The following FSTL4 variants were observed in gnomAD, a reference collection of about 807,000 sequenced individuals.
The protein encoded by FSTL4 is follistatin like 4.
In FSTL4, 28 loss-of-function variants were observed where a neutral mutation model predicts 78.2. The ratio of observed to expected loss-of-function variants is 0.36; its 90% CI spans 0.27 to 0.49. FSTL4 has a LOEUF of 0.49. Among genes scored for constraint, FSTL4 ranks in the 20% least tolerant of loss-of-function variants. The pLI, the probability that FSTL4 is intolerant of heterozygous loss-of-function variation, is 0.98. For synonymous variants in FSTL4, 422 were observed against 440.5 expected (o/e 0.96, Z 0.53); for missense variants, 922 against 1,084.9 (o/e 0.85, Z 2.11).
the FSTL4 span, among the ~76,000 whole-genome samples, chr5:133,641,841 CTTCTTTCTTCTTCTTCTTACCT>C: frequency 6.6e-6 from 1 of 151,602 alleles, no homozygotes; most frequent in South Asian, 2.1e-4. Context: ...TTTCCTCTTT[CTTCTTTCTTCTTCTTCTTACCT>C]TTCTTTCTTC....
chr5:133,786,361 G>C, the FSTL4 span, among the ~76,000 whole-genome samples: 1 of 152,158 alleles, frequency 6.6e-6, no homozygotes, highest in African/African-American at 2.4e-5. Context: ...TCATTCTTCT[G>C]GCCCCTGCAT....
intron 6 of FSTL4, among the ~76,000 whole-genome samples, chr5:133,257,715 A>G (rs1350168187): frequency 6.6e-6 from 1 of 152,080 alleles, no homozygotes; most frequent in African/African-American, 2.4e-5. Flanking sequence ...CCTGGTCAGC[A>G]GGAGCATGGC....
intron 4 of FSTL4, among the ~76,000 whole-genome samples, chr5:133,342,639 G>A (rs1016020563): frequency 2.6e-5 from 4 of 152,184 alleles, no homozygotes; most frequent in African/African-American, 9.7e-5. Context: ...AGATGCTGCA[G>A]GTGAGCTGAG....
chr5:133,786,481 C>G, the FSTL4 span, among the ~76,000 whole-genome samples: 1 of 152,128 alleles, frequency 6.6e-6, no homozygotes, highest in Non-Finnish European at 1.5e-5. Context: ...TAAAGTCTAC[C>G]AAAGAATTTG....
intron 6 of FSTL4, among the ~76,000 whole-genome samples, chr5:133,276,409 C>G (rs1021014959): frequency 6.6e-6 from 1 of 152,216 alleles, no homozygotes; most frequent in Non-Finnish European, 1.5e-5. Flanking sequence ...CTGGCTGCTG[C>G]CCTACATTCC....
At chr5:133,695,875 G>T in the FSTL4 span, among the ~76,000 whole-genome samples, 2 of 152,184 alleles carry the variant, frequency 1.3e-5, no homozygotes, top group African/African-American at 2.4e-5. Flanking sequence ...CCTTAGTAAG[G>T]TCTGTTCTTC....
chr5:133,505,752 T>C (rs989405709), intron 3 of FSTL4, among the ~76,000 whole-genome samples: 2 of 152,224 alleles, frequency 1.3e-5, no homozygotes, highest in African/African-American at 2.4e-5. Flanking sequence ...ACGTGATAAA[T>C]TAAGGTTCCT....
intron 3 of FSTL4, among the ~76,000 whole-genome samples, chr5:133,556,759 G>T (rs1386185608): frequency 6.6e-6 from 1 of 152,052 alleles, no homozygotes; most frequent in African/African-American, 2.4e-5. Flanking sequence ...TGCCCATTTA[G>T]AAGCAGCCAG....
chr5:133,409,488 C>G (rs988822805), intron 3 of FSTL4, among the ~76,000 whole-genome samples: 26 of 152,346 alleles, frequency 1.7e-4, no homozygotes, highest in African/African-American at 5.8e-4. Context: ...CCCCAGCCCT[C>G]CCAGATCTCC....
the FSTL4 span, among the ~76,000 whole-genome samples, chr5:133,764,914 G>C: frequency 6.6e-6 from 1 of 152,244 alleles, no homozygotes; most frequent in African/African-American, 2.4e-5. Context: ...GTGGGATTTG[G>C]GGGTAGAACA....
the FSTL4 span, among the ~76,000 whole-genome samples, chr5:133,701,505 A>AC: frequency 2.8e-4 from 35 of 123,920 alleles, 1 homozygote; most frequent in Middle Eastern, 7.5e-3. Context: ...ACACACACAC[A>AC]CACACCCCAC....
chr5:133,352,817 G>A (rs1199958312), intron 4 of FSTL4, among the ~76,000 whole-genome samples: 1 of 151,836 alleles, frequency 6.6e-6, no homozygotes, highest in African/African-American at 2.4e-5. Flanking sequence ...ATTCCATGGT[G>A]TGTATGTACC....
At chr5:133,752,619 A>T in the FSTL4 span, among the ~76,000 whole-genome samples, 3,274 of 150,568 alleles carry the variant, frequency 0.022, 112 homozygotes, top group African/African-American at 0.069. Flanking sequence ...CAAATAAAAT[A>T]AAATAAAATT....
chr5:133,645,292 T>C, the FSTL4 span, among the ~76,000 whole-genome samples: 32,937 of 152,026 alleles, frequency 0.22, 3,845 homozygotes, highest in Admixed American at 0.29. Flanking sequence ...TTATCTGTAG[T>C]TCTGAAGTAA....
chr5:133,740,122 A>T, the FSTL4 span, among the ~76,000 whole-genome samples: 1 of 152,100 alleles, frequency 6.6e-6, no homozygotes. Context: ...GCACTCAAGC[A>T]ATCTACCCAC....
intron 15 of FSTL4, 82 bp downstream of exon 15, chr5:133,201,851 G>T: frequency 1.3e-6 from 1 of 746,828 alleles, no homozygotes. Context: ...GAAATGAGCA[G>T]GTCCCATGCT....
chr5:133,211,632 G>A (rs748251878), intron 13 of FSTL4, among the ~76,000 whole-genome samples: 21 of 152,108 alleles, frequency 1.4e-4, no homozygotes, highest in Non-Finnish European at 2.2e-4. Context: ...AATTCGTGCC[G>A]AATTCAGAGA....
chr5:133,582,396 G>A (rs1483959281), intron 2 of FSTL4, among the ~76,000 whole-genome samples: 3 of 152,184 alleles, frequency 2.0e-5, no homozygotes, highest in Non-Finnish European at 2.9e-5. Flanking sequence ...AGTGAGAGCT[G>A]AGAGAGGAGG....
chr5:133,713,854 A>C, the FSTL4 span, among the ~76,000 whole-genome samples: 3 of 152,326 alleles, frequency 2.0e-5, no homozygotes, highest in East Asian at 5.8e-4. Flanking sequence ...AGTCATTTCA[A>C]TCCATCATAC....
Sources: gnomAD v4.1 joint callset for allele counts (sites outside exome capture counted in the v4.1 genomes callset) on GRCh38, gnomAD v4.1.1 for gene constraint, MANE v1.5 for transcripts, NCBI Gene and HGNC (gene_info 2026-07-23, HGNC 2026-07-21) for gene names.